The following PCDH9 variants were observed in gnomAD, a reference collection of about 807,000 sequenced individuals.
The protein encoded by PCDH9 is protocadherin 9, also known as protocadherin-9.
Under a neutral mutation model 70.6 loss-of-function variants are expected in PCDH9, and 24 were observed. The ratio of observed to expected loss-of-function variants is 0.34; its 90% confidence interval spans 0.25 to 0.48. The LOEUF (loss-of-function observed/expected upper bound fraction) is 0.48, where lower values mean the gene tolerates loss of function less well. PCDH9 is among the 20% of genes least tolerant of loss of function. The probability of loss-of-function intolerance (pLI) is 0.99; values close to 1 mark genes in which losing one functional copy is unlikely to be tolerated. For synonymous variants in PCDH9, 562 were observed against 558.5 expected (o/e 1.01, Z -0.09); for missense variants, 1,281 against 1,503.6 (o/e 0.85, Z 2.45).
intron 3 of PCDH9, among the ~76,000 whole-genome samples, chr13:66,734,350 T>C (rs1241783306): frequency 6.6e-6 from 1 of 152,210 alleles, no homozygotes; most frequent in Non-Finnish European, 1.5e-5. Context: ...GGAGCTTTTC[T>C]AGATTCAGCT....
intron 3 of PCDH9, among the ~76,000 whole-genome samples, chr13:66,873,326 A>G (rs1469367522): frequency 2.0e-5 from 3 of 152,242 alleles, no homozygotes; most frequent in Non-Finnish European, 2.9e-5. Flanking sequence ...TAAAATATGC[A>G]TAAGCTATTT....
chr13:66,689,227 T>C (rs1050346662), intron 3 of PCDH9, among the ~76,000 whole-genome samples: 4 of 152,164 alleles, frequency 2.6e-5, no homozygotes, highest in African/African-American at 7.2e-5. Context: ...AAAAGACTTA[T>C]ACAGCCCTCT....
chr13:66,617,325 C>T (rs1376649466), intron 4 of PCDH9, among the ~76,000 whole-genome samples: 3 of 152,148 alleles, frequency 2.0e-5, no homozygotes, highest in African/African-American at 4.8e-5. Context: ...AAGAGAACCA[C>T]GGATGCCTGC....
intron 2 of PCDH9, chr13:67,217,130 C>T (rs1199132738): frequency 6.6e-6 from 1 of 152,020 alleles, no homozygotes; most frequent in Non-Finnish European, 1.5e-5. Flanking sequence ...AAAAAACCAC[C>T]AGTATTTTTC....
At chr13:66,675,333 A>G (rs548705492) in intron 3 of PCDH9, among the ~76,000 whole-genome samples, 1 of 152,230 alleles carries the variant, frequency 6.6e-6, no homozygotes, top group East Asian at 1.9e-4. Context: ...TATCACTGTC[A>G]CGCAATTTAA....
At chr13:66,767,713 C>G (rs2079740890) in intron 3 of PCDH9, among the ~76,000 whole-genome samples, 1 of 152,038 alleles carries the variant, frequency 6.6e-6, no homozygotes. Context: ...GAACTCTGCT[C>G]AATATGCCTT....
Position 67,225,611 on chromosome 13 carries a change from G to T in PCDH9, c.2830C>A (p.Pro944Thr), listed in dbSNP as rs2089838700. 14 of 1,614,158 alleles carry T rather than the reference G, an allele frequency of 8.7e-6. No individual in the cohort carries two copies. Among genetic ancestry groups the T allele is most frequent in the Non-Finnish European group, 1.2e-5 (14 of 1,179,998 alleles). The change falls in exon 2 of 5, where the codon CCA (proline) becomes ACA (threonine). Residue 944 changes from proline to threonine, a missense_variant. Around this residue, in one of 4 missense-constraint regions of PCDH9, gnomAD observed 207 missense variants for 191.8 expected, o/e 1.08. Coordinates refer to ENST00000377865, the MANE Select transcript of PCDH9 (RefSeq NM_203487.3). Reference protein sequence around the residue: ...DLAKHYKSASPQPAFHLKPDT... With the variant: ...DLAKHYKSASTQPAFHLKPDT... ...GGTTTGAGATGAAAAGCAGGCTGTG[G>T]AGAAGCAGATTTGTAGTGCTTGGCC...
intron 2 of PCDH9, among the ~76,000 whole-genome samples, chr13:67,172,807 G>C (rs933323040): frequency 2.0e-5 from 3 of 151,030 alleles, no homozygotes; most frequent in Admixed American, 2.0e-4. Flanking sequence ...GAGCCCGGGA[G>C]GTGTAGGGTG....
intron 3 of PCDH9, among the ~76,000 whole-genome samples, chr13:66,816,071 A>T (rs1006217790): frequency 6.6e-6 from 1 of 152,218 alleles, no homozygotes; most frequent in South Asian, 2.1e-4. Flanking sequence ...CATTATTTCA[A>T]AGTTTAGGCA....
chr13:66,575,420 C>T (rs1342601751), intron 4 of PCDH9, among the ~76,000 whole-genome samples: 1 of 152,028 alleles, frequency 6.6e-6, no homozygotes, highest in African/African-American at 2.4e-5. Flanking sequence ...CTCCTCACAT[C>T]TAGTCCCATC....
In PCDH9 at chr13:67,225,684, G is replaced by A; in HGVS notation, c.2757C>T (p.Asp919=). ...ATGTTGTTGGAGGTGCCGGGCCCCA[G>A]TCAAATCTTCCTATACTTTGCTCCT... ...ELEEQSIGRF[D]WGPAPPTTFK... The change falls in exon 2 of 5, where the codon GAC becomes GAT. Residue 919 remains aspartate, a synonymous_variant. Transcript: ENST00000377865. The A allele has an allele frequency of 6.2e-7, 1 of 1,614,142 alleles. No homozygotes were observed. The highest frequency in any genetic ancestry group is 8.5e-7 in the Non-Finnish European group (1 of 1,180,016).
intron 3 of PCDH9, among the ~76,000 whole-genome samples, chr13:66,845,940 A>G (rs2081200273): frequency 6.6e-6 from 1 of 152,204 alleles, no homozygotes; most frequent in South Asian, 2.1e-4. Context: ...GGGCCTTTCA[A>G]GACACAGATT....
chr13:67,162,285 C>T (rs925178005), intron 2 of PCDH9, among the ~76,000 whole-genome samples: 16 of 152,132 alleles, frequency 1.1e-4, no homozygotes, highest in African/African-American at 3.4e-4. Context: ...AGTTCTAGTT[C>T]TCCTGATATG....
At chr13:66,305,362 T>C in intron 4 of PCDH9, among the ~76,000 whole-genome samples, 1 of 152,108 alleles carries the variant, frequency 6.6e-6, no homozygotes, top group East Asian at 1.9e-4. Context: ...TACAGATTAT[T>C]ACTAATTTAT....
At chr13:67,039,236 T>C (rs2085065743) in intron 2 of PCDH9, among the ~76,000 whole-genome samples, 1 of 152,078 alleles carries the variant, frequency 6.6e-6, no homozygotes, top group South Asian at 2.1e-4. Flanking sequence ...GACCCCCAGA[T>C]TGAAGGTCCC....
chr13:67,109,345 A>C (rs1465397680), intron 2 of PCDH9, among the ~76,000 whole-genome samples: 2 of 152,178 alleles, frequency 1.3e-5, no homozygotes, highest in Admixed American at 6.5e-5. Flanking sequence ...AATGAGATTT[A>C]GGTAATTGCG....
At chr13:66,832,233 A>G (rs1199532781) in intron 3 of PCDH9, among the ~76,000 whole-genome samples, 1 of 152,166 alleles carries the variant, frequency 6.6e-6, no homozygotes, top group Non-Finnish European at 1.5e-5. Flanking sequence ...ACTGGAATTT[A>G]TAATAAATGT....
At chr13:67,209,089 A>T (rs2089417388) in intron 2 of PCDH9, 3 of 152,144 alleles carry the variant, frequency 2.0e-5, no homozygotes, top group Non-Finnish European at 4.4e-5. Flanking sequence ...ACACTGGAGT[A>T]TTGTTCTGAA....
At chr13:67,064,310 G>A (rs868591965) in intron 2 of PCDH9, among the ~76,000 whole-genome samples, 19 of 152,016 alleles carry the variant, frequency 1.2e-4, no homozygotes, top group Non-Finnish European at 2.6e-4. Context: ...CCTGTGCAGC[G>A]AATTTTAAAT....
Sources: gnomAD v4.1 joint callset for allele counts (sites outside exome capture counted in the v4.1 genomes callset) on GRCh38, gnomAD v4.1.1 for gene constraint, gnomAD v4.1.1 regional missense constraint, MANE v1.5 for transcripts, NCBI Gene and HGNC (gene_info 2026-07-23, HGNC 2026-07-21) for gene names.